APBA1: variants seen among roughly 807,000 people sequenced by gnomAD.
APBA1 encodes the protein amyloid-beta A4 precursor protein-binding family A member 1.
In APBA1, 55 loss-of-function variants were observed where a neutral mutation model predicts 86.6. The ratio of observed to expected loss-of-function variants is 0.64; its 90% confidence interval spans 0.51 to 0.80. The LOEUF (loss-of-function observed/expected upper bound fraction) is 0.80, where lower values mean the gene tolerates loss of function less well. Among genes scored for constraint, APBA1 ranks in the 30% least tolerant of loss-of-function variants. APBA1 has a pLI of 0.00. For missense variants in APBA1, 1,090 were observed against 1,183.0 expected (o/e 0.92, Z 1.15); for synonymous variants, 511 against 493.9 (o/e 1.03, Z -0.46).
At chr9:69,671,902 C>G (rs1216185160) in intron 1 of APBA1, among the ~76,000 whole-genome samples, 1 of 152,208 alleles carries the variant, frequency 6.6e-6, no homozygotes, top group Non-Finnish European at 1.5e-5. Context: ...CTGCTGCGCC[C>G]GAAGCCCGGC....
intron 1 of APBA1, among the ~76,000 whole-genome samples, chr9:69,523,520 T>TATAC (rs1554697036): frequency 8.2e-4 from 28 of 34,044 alleles, no homozygotes; most frequent in African/African-American, 1.8e-3. Flanking sequence ...TATATATATA[T>TATAC]ATATATATAT....
In APBA1 at chr9:69,440,940, G is replaced by A. The variant is rs180704307; in HGVS notation, c.2301+56C>T. 372 of 1,586,774 alleles carry A rather than the reference G, an allele frequency of 2.3e-4. No individual in the cohort carries two copies. In the African/African-American group the frequency reaches 4.2e-3, roughly 18 times the overall value. On this transcript the variant is annotated intron_variant, in intron 11 of 12. Transcript: ENST00000265381. Reference sequence around the variant, plus strand: ...ATCTTGGCTCCACCCCCCCAGCCATGCTACATTTTTATTTGTCAACATTGT... The same window carrying A: ...ATCTTGGCTCCACCCCCCCAGCCATACTACATTTTTATTTGTCAACATTGT...
At chr9:69,444,087 TC>T (rs1330120135) in intron 10 of APBA1, among the ~76,000 whole-genome samples, 5 of 151,888 alleles carry the variant, frequency 3.3e-5, no homozygotes, top group Non-Finnish European at 7.4e-5. Flanking sequence ...CAGCATCTGC[TC>T]CCCCCGTGCT....
At chr9:69,531,771 T>C (rs767718332) in intron 1 of APBA1, among the ~76,000 whole-genome samples, 4 of 151,482 alleles carry the variant, frequency 2.6e-5, no homozygotes, top group Non-Finnish European at 1.5e-5. Context: ...GGAGGAGGAG[T>C]TGGAAGAGGA....
chr9:69,513,789 CA>C (rs1836090737), intron 2 of APBA1, among the ~76,000 whole-genome samples: 2 of 152,160 alleles, frequency 1.3e-5, no homozygotes, highest in Admixed American at 1.3e-4. Flanking sequence ...TGAATGCTAC[CA>C]CTCTGACCTG....
At chr9:69,579,510 GTGAGAGTAAAATGATGC>G (rs1359637827) in intron 1 of APBA1, among the ~76,000 whole-genome samples, 1 of 152,176 alleles carries the variant, frequency 6.6e-6, no homozygotes, top group Non-Finnish European at 1.5e-5. Flanking sequence ...ATTCATCTAT[GTGAGAGTAAAATGATGC>G]TGTTACCAGC....
intron 1 of APBA1, among the ~76,000 whole-genome samples, chr9:69,617,082 C>G (rs946904000): frequency 6.6e-6 from 1 of 152,122 alleles, no homozygotes; most frequent in Non-Finnish European, 1.5e-5. Flanking sequence ...ATCTGCCCAG[C>G]AACTGCCTGT....
chr9:69,623,658 A>G (rs1239945339), intron 1 of APBA1, among the ~76,000 whole-genome samples: 1 of 152,208 alleles, frequency 6.6e-6, no homozygotes, highest in Non-Finnish European at 1.5e-5. Context: ...GTAAAAATGC[A>G]GATTCCTAAA....
chr9:69,670,763 A>G (rs747353890), intron 1 of APBA1, among the ~76,000 whole-genome samples: 21 of 152,114 alleles, frequency 1.4e-4, no homozygotes, highest in Non-Finnish European at 2.2e-4. Flanking sequence ...CATTTTTCCA[A>G]ATTCCCTACT....
intron 1 of APBA1, among the ~76,000 whole-genome samples, chr9:69,612,610 C>T (rs892340115): frequency 1.3e-5 from 2 of 151,844 alleles, no homozygotes; most frequent in Admixed American, 6.6e-5. Context: ...GGTGACAGTT[C>T]AAAACGTTTT....
chr9:69,581,329 A>G (rs1358494733), intron 1 of APBA1, among the ~76,000 whole-genome samples: 1 of 152,194 alleles, frequency 6.6e-6, no homozygotes, highest in Non-Finnish European at 1.5e-5. Flanking sequence ...CTGATAAAAC[A>G]TCCTTGACAT....
chr9:69,656,804 T>G (rs1823620554), intron 1 of APBA1, among the ~76,000 whole-genome samples: 1 of 152,026 alleles, frequency 6.6e-6, no homozygotes, highest in Non-Finnish European at 1.5e-5. Context: ...TGACTAGTAG[T>G]CAAACTTTTC....
Position 69,431,276 on chromosome 9 carries a change from A to C in APBA1, c.*51T>G. 1.4e-6 allele frequency: 2 copies of C among 1,455,056 alleles called. No homozygotes were observed. Among genetic ancestry groups the C allele is most frequent in the Non-Finnish European group, 1.9e-6 (2 of 1,074,954 alleles). 90.1% of individuals were successfully genotyped at this position (1,455,056 alleles called of 1,614,324 possible). A position where few individuals can be genotyped will look rare whatever the true frequency, so the allele number is the denominator to read the frequency against. ...GACACAGGGATGCAGCACGAGAAAC[A>C]CAACCACGAAGAGGAGAGTCCTCCA... On this transcript the variant is annotated 3_prime_UTR_variant, in exon 13 of 13. Coordinates refer to ENST00000265381, the MANE Select transcript of APBA1 (RefSeq NM_001163.4).
intron 1 of APBA1, among the ~76,000 whole-genome samples, chr9:69,597,629 G>T (rs984986645): frequency 6.6e-6 from 1 of 152,102 alleles, no homozygotes; most frequent in Non-Finnish European, 1.5e-5. Flanking sequence ...TTTCTTCTAG[G>T]GTTTTTATGG....
At chr9:69,609,863 G>C (rs1822549555) in intron 1 of APBA1, among the ~76,000 whole-genome samples, 1 of 152,112 alleles carries the variant, frequency 6.6e-6, no homozygotes, top group African/African-American at 2.4e-5. Flanking sequence ...CAGCGGCACA[G>C]TCATAACTCA....
intron 1 of APBA1, among the ~76,000 whole-genome samples, chr9:69,659,345 A>G (rs1440619316): frequency 6.6e-6 from 1 of 152,228 alleles, no homozygotes; most frequent in Non-Finnish European, 1.5e-5. Flanking sequence ...CAGAAAGAGT[A>G]AAAGATTCAC....
intron 10 of APBA1, among the ~76,000 whole-genome samples, chr9:69,443,136 C>T (rs885174): frequency 0.094 from 14,338 of 152,234 alleles, 822 homozygotes; most frequent in East Asian, 0.28. Flanking sequence ...CCCCACACAG[C>T]AGCAGCAGCA....
intron 10 of APBA1, among the ~76,000 whole-genome samples, chr9:69,445,194 G>A (rs559804414): frequency 2.6e-5 from 4 of 152,204 alleles, no homozygotes; most frequent in South Asian, 4.2e-4. Context: ...GGTTCTTTCC[G>A]GTTCTTTCCT....
chr9:69,615,267 AT>A, intron 1 of APBA1, among the ~76,000 whole-genome samples: 1 of 152,344 alleles, frequency 6.6e-6, no homozygotes, highest in African/African-American at 2.4e-5. Flanking sequence ...TATAAAGTAT[AT>A]TTTTGTAAAC....
Sources: gnomAD v4.1 joint callset for allele counts (sites outside exome capture counted in the v4.1 genomes callset) on GRCh38, gnomAD v4.1.1 for gene constraint, MANE v1.5 for transcripts, NCBI Gene and HGNC (gene_info 2026-07-23, HGNC 2026-07-21) for gene names.